Variants in SLC35F3 observed in about 807,000 individuals in gnomAD.
SLC35F3 encodes the protein putative thiamine transporter SLC35F3.
SLC35F3 carries 25 observed loss-of-function variants against 49.9 expected under a neutral mutation model. The observed-to-expected ratio is 0.50, with a 90% CI of 0.37 to 0.70. The LOEUF (loss-of-function observed/expected upper bound fraction) is 0.70. Ranked by LOEUF, SLC35F3 falls within the 30% of genes least tolerant of loss-of-function variation. The probability of loss-of-function intolerance (pLI) is 0.00; values close to 1 mark genes in which losing one functional copy is unlikely to be tolerated. For synonymous variants in SLC35F3, 275 were observed against 265.4 expected, an observed-to-expected ratio of 1.04 and a Z score of -0.35; for missense variants, 525 against 639.8, an observed-to-expected ratio of 0.82 and a Z score of 1.94.
intron 2 of SLC35F3, among the ~76,000 whole-genome samples, chr1:234,215,729 T>G (rs1667111808): frequency 3.3e-5 from 5 of 152,168 alleles, no homozygotes; most frequent in Admixed American, 3.3e-4. Flanking sequence ...AGAGGCTGGC[T>G]TGGTAATTGT....
In SLC35F3 at chr1:234,152,863, A is replaced by G. The variant is rs541184748; in HGVS notation, c.284-78554A>G. On this transcript the variant is annotated intron_variant, in intron 2 of 7. Coordinates refer to ENST00000366618, the MANE Select transcript of SLC35F3 (RefSeq NM_173508.4). Reference sequence around the variant, plus strand: ...CCACCAACAATGTAAAAGCGTTTCTATTTATCCACATCCTCTCCAGCATCT... The same window carrying G: ...CCACCAACAATGTAAAAGCGTTTCTGTTTATCCACATCCTCTCCAGCATCT... Among the ~76,000 whole-genome samples, 8 of 152,284 alleles carry G rather than the reference A, an allele frequency of 5.3e-5. No homozygotes were observed. In the South Asian group the frequency reaches 1.7e-3, roughly 32 times the overall value.
chr1:233,908,467 T>G (rs987782489), intron 2 of SLC35F3, among the ~76,000 whole-genome samples: 4 of 151,740 alleles, frequency 2.6e-5, no homozygotes, highest in Admixed American at 2.6e-4. Context: ...TTACCTTTGC[T>G]CAGTATTCTC....
intron 2 of SLC35F3, among the ~76,000 whole-genome samples, chr1:233,935,004 C>T (rs1460670727): frequency 6.6e-6 from 1 of 151,554 alleles, no homozygotes; most frequent in African/African-American, 2.4e-5. Flanking sequence ...CAAGAGCTGA[C>T]TTCCAGGCAA....
intron 3 of SLC35F3, among the ~76,000 whole-genome samples, chr1:234,282,042 C>G (rs1240591027): frequency 6.6e-6 from 1 of 152,126 alleles, no homozygotes; most frequent in Non-Finnish European, 1.5e-5. Flanking sequence ...TCCTGTCTCA[C>G]AGCCCTGTGG....
At chr1:233,907,684 G>A (rs894163482) in intron 2 of SLC35F3, among the ~76,000 whole-genome samples, 29 of 151,484 alleles carry the variant, frequency 1.9e-4, no homozygotes, top group Admixed American at 4.0e-4. Flanking sequence ...TTTTATTAAT[G>A]TATTAATGCA....
intron 3 of SLC35F3, among the ~76,000 whole-genome samples, chr1:234,264,431 C>T (rs1007082956): frequency 6.6e-6 from 1 of 152,222 alleles, no homozygotes; most frequent in African/African-American, 2.4e-5. Context: ...GTAGTCTGTA[C>T]TCTGTCTCCC....
intron 2 of SLC35F3, among the ~76,000 whole-genome samples, chr1:234,215,696 C>T (rs1343053316): frequency 2.6e-5 from 4 of 152,218 alleles, no homozygotes; most frequent in Non-Finnish European, 5.9e-5. Flanking sequence ...TACAATGAAT[C>T]TCAGAACCAG....
At chr1:233,950,183 G>T (rs180798482) in intron 2 of SLC35F3, among the ~76,000 whole-genome samples, 1 of 151,868 alleles carries the variant, frequency 6.6e-6, no homozygotes, top group African/African-American at 2.4e-5. Context: ...TCAGGAGATC[G>T]AAACCATCCT....
intron 2 of SLC35F3, among the ~76,000 whole-genome samples, chr1:233,946,064 C>T (rs924149469): frequency 6.6e-6 from 1 of 152,192 alleles, no homozygotes; most frequent in Non-Finnish European, 1.5e-5. Flanking sequence ...TTGATTCTTT[C>T]CCAGTAGTCA....
At chr1:234,174,066 C>A (rs981934933) in intron 2 of SLC35F3, among the ~76,000 whole-genome samples, 1 of 152,230 alleles carries the variant, frequency 6.6e-6, no homozygotes. Flanking sequence ...GATACAAGCA[C>A]GAGCTGGACA....
Position 234,228,298 on chromosome 1 carries a change from C to G in SLC35F3, c.284-3119C>G, listed in dbSNP as rs551320935. On this transcript the variant is annotated intron_variant, in intron 2 of 7. Coordinates refer to ENST00000366618, the MANE Select transcript of SLC35F3 (RefSeq NM_173508.4). ...TTCTATCCTCCAAGACCCAGGCCAA[C>G]CACCTGCCTCTTCTGATTCTTTTCA... Among the ~76,000 whole-genome samples the G allele has an allele frequency of 5.9e-4, 90 of 152,340 alleles. 3 individuals carry two copies. In the South Asian group the frequency reaches 0.015, roughly 25 times the overall value.
intron 2 of SLC35F3, among the ~76,000 whole-genome samples, chr1:233,921,952 T>A (rs1461765560): frequency 2.6e-5 from 4 of 152,174 alleles, no homozygotes; most frequent in Non-Finnish European, 1.5e-5. Flanking sequence ...TTCATCCGTG[T>A]CCCTACAAAG....
chr1:234,193,354 T>C (rs1666758226), intron 2 of SLC35F3, among the ~76,000 whole-genome samples: 1 of 152,212 alleles, frequency 6.6e-6, no homozygotes, highest in African/African-American at 2.4e-5. Context: ...AAGGCCACCC[T>C]ATTCAACAAA....
chr1:234,066,420 G>A (rs1664618371), intron 2 of SLC35F3, among the ~76,000 whole-genome samples: 1 of 152,036 alleles, frequency 6.6e-6, no homozygotes, highest in South Asian at 2.1e-4. Flanking sequence ...TGGCCTCATT[G>A]CTGTTTCTGG....
intron 2 of SLC35F3, among the ~76,000 whole-genome samples, chr1:233,986,184 C>A (rs952202738): frequency 6.6e-6 from 1 of 151,910 alleles, no homozygotes; most frequent in South Asian, 2.1e-4. Flanking sequence ...TTACATTCTG[C>A]CCTTATTAGT....
chr1:234,130,013 G>T (rs1338574271), intron 2 of SLC35F3, among the ~76,000 whole-genome samples: 1 of 152,088 alleles, frequency 6.6e-6, no homozygotes, highest in Admixed American at 6.5e-5. Flanking sequence ...GACACAAACA[G>T]TGTAAGAAAG....
At chr1:233,946,840 TCATTTCTGC>T (rs1662520471) in intron 2 of SLC35F3, among the ~76,000 whole-genome samples, 1 of 152,222 alleles carries the variant, frequency 6.6e-6, no homozygotes, top group Non-Finnish European at 1.5e-5. Flanking sequence ...TGTGTTCTAG[TCATTTCTGC>T]CACTGCCTGG....
intron 2 of SLC35F3, among the ~76,000 whole-genome samples, chr1:233,966,998 A>G (rs1662915600): frequency 6.6e-6 from 1 of 152,186 alleles, no homozygotes; most frequent in Admixed American, 6.5e-5. Context: ...GTCATGAGTC[A>G]ACTTTCTACC....
chr1:234,092,233 A>G (rs1665054541), intron 2 of SLC35F3, among the ~76,000 whole-genome samples: 1 of 152,194 alleles, frequency 6.6e-6, no homozygotes, highest in Non-Finnish European at 1.5e-5. Flanking sequence ...TGGCTTTATT[A>G]TCAAGTTCCT....
Sources: gnomAD v4.1 joint callset for allele counts (sites outside exome capture counted in the v4.1 genomes callset) on GRCh38, gnomAD v4.1.1 for gene constraint, MANE v1.5 for transcripts, NCBI Gene and HGNC (gene_info 2026-07-23, HGNC 2026-07-21) for gene names.